Variants in EHBP1 observed in about 807,000 individuals in gnomAD.
EHBP1 encodes EH domain binding protein 1.
Under a neutral mutation model 144.0 loss-of-function variants are expected in EHBP1, and 55 were observed. The ratio of observed to expected loss-of-function variants is 0.38; its 90% confidence interval spans 0.31 to 0.48. EHBP1 has a LOEUF of 0.48. Ranked by LOEUF, EHBP1 falls within the 20% of genes least tolerant of loss-of-function variation. The pLI, the probability that EHBP1 is intolerant of heterozygous loss-of-function variation, is 0.98. For missense variants in EHBP1, 1,200 were observed against 1,364.2 expected (o/e 0.88, Z 1.90); for synonymous variants, 469 against 472.7 (o/e 0.99, Z 0.10).
intron 8 of EHBP1, among the ~76,000 whole-genome samples, chr2:62,863,950 G>A (rs1168612447): frequency 3.4e-5 from 5 of 146,310 alleles, no homozygotes; most frequent in African/African-American, 1.0e-4. Context: ...GGATTCAGGC[G>A]ATTCTCCTGC....
intron 3 of EHBP1, among the ~76,000 whole-genome samples, chr2:62,755,880 G>A (rs958612205): frequency 6.6e-6 from 1 of 151,742 alleles, no homozygotes; most frequent in African/African-American, 2.4e-5. Context: ...TTAATAATTA[G>A]CTTGAATGCC....
intron 5 of EHBP1, among the ~76,000 whole-genome samples, chr2:62,787,400 C>G (rs1176015554): frequency 9.6e-5 from 11 of 114,468 alleles, no homozygotes; most frequent in East Asian, 3.3e-4. Context: ...CGCTGCCCCC[C>G]CCCCCCACCC....
intron 10 of EHBP1, among the ~76,000 whole-genome samples, chr2:62,879,413 T>TC (rs1210922474): frequency 6.6e-6 from 1 of 152,010 alleles, no homozygotes; most frequent in Non-Finnish European, 1.5e-5. Flanking sequence ...AGCTCCTAGA[T>TC]CCAATAAAAA....
At chr2:62,875,518 A>G (rs1273039719) in intron 10 of EHBP1, among the ~76,000 whole-genome samples, 1 of 152,254 alleles carries the variant, frequency 6.6e-6, no homozygotes, top group East Asian at 1.9e-4. Flanking sequence ...CAAAGATTAA[A>G]GGAACATCAG....
chr2:62,880,854 C>G (rs1412962128), intron 10 of EHBP1, among the ~76,000 whole-genome samples: 1 of 151,878 alleles, frequency 6.6e-6, no homozygotes. Flanking sequence ...GAGATTGTTC[C>G]CAAAGAATTT....
At chr2:62,770,703 C>T (rs1418711093) in intron 4 of EHBP1, among the ~76,000 whole-genome samples, 2 of 152,122 alleles carry the variant, frequency 1.3e-5, no homozygotes, top group Non-Finnish European at 2.9e-5. Context: ...AAGAAACATG[C>T]ATGTGTAAAT....
intron 4 of EHBP1, among the ~76,000 whole-genome samples, chr2:62,765,009 T>C (rs1162298275): frequency 2.0e-5 from 3 of 152,074 alleles, no homozygotes; most frequent in African/African-American, 7.2e-5. Flanking sequence ...AAAAAGACCT[T>C]TAGGATTTTG....
intron 14 of EHBP1, among the ~76,000 whole-genome samples, chr2:62,971,774 A>G (rs913405893): frequency 1.3e-5 from 2 of 152,234 alleles, no homozygotes; most frequent in Admixed American, 1.3e-4. Flanking sequence ...TATTTACTCA[A>G]AAATTTGTTA....
chr2:63,028,042 C>T (rs1298471239), intron 19 of EHBP1, among the ~76,000 whole-genome samples: 4 of 151,930 alleles, frequency 2.6e-5, no homozygotes, highest in South Asian at 2.1e-4. Context: ...GGATTACAGG[C>T]GTGAGCCACC....
chr2:63,028,230 T>G (rs1201215922), intron 19 of EHBP1, among the ~76,000 whole-genome samples: 1 of 152,188 alleles, frequency 6.6e-6, no homozygotes, highest in Non-Finnish European at 1.5e-5. Context: ...TATACGCTTT[T>G]TGTCAATTAA....
At chr2:62,713,164 A>G (rs1191934550) in intron 2 of EHBP1, among the ~76,000 whole-genome samples, 1 of 151,984 alleles carries the variant, frequency 6.6e-6, no homozygotes, top group Admixed American at 6.6e-5. Context: ...TTAGAGGCCA[A>G]TGTGTGGACA....
At chr2:62,749,715 G>T (rs1243639895) in intron 3 of EHBP1, among the ~76,000 whole-genome samples, 1 of 152,126 alleles carries the variant, frequency 6.6e-6, no homozygotes, top group Non-Finnish European at 1.5e-5. Flanking sequence ...GTTTTGATTT[G>T]CATTTCTCTG....
At position 62,900,252 on chromosome 2, in the gene EHBP1, A is replaced by G. The variant is rs184464564; in HGVS notation, c.1185+25720A>G. On this transcript the variant is annotated intron_variant, in intron 10 of 22. Coordinates refer to ENST00000431489, the MANE Select transcript of EHBP1 (RefSeq NM_001142616.3). ...TACTCTAAAATTACATCATTGAGAAAGTGTAATTCAGTGAAGGAAAATGAT... is the reference window on the plus strand; with the variant it reads ...TACTCTAAAATTACATCATTGAGAAGGTGTAATTCAGTGAAGGAAAATGAT... Among the ~76,000 whole-genome samples, 378 of 152,318 alleles carry G rather than the reference A, an allele frequency of 2.5e-3. 7 individuals are homozygous for G. Among genetic ancestry groups the G allele is most frequent in the Admixed American group, 0.023 (349 of 15,290 alleles).
chr2:62,943,731 T>A, intron 11 of EHBP1, 71 bp from the exon 12 acceptor site: 1 of 1,070,836 alleles, frequency 9.3e-7, no homozygotes. Flanking sequence ...AATTTTTAGA[T>A]TCAGTTTGTT....
intron 10 of EHBP1, among the ~76,000 whole-genome samples, chr2:62,917,888 T>C (rs1465001209): frequency 6.6e-6 from 1 of 152,036 alleles, no homozygotes; most frequent in Non-Finnish European, 1.5e-5. Flanking sequence ...TTTTAGGAAC[T>C]ATTGTGTTCC....
At chr2:62,690,599 A>G (rs1363806339) in intron 1 of EHBP1, among the ~76,000 whole-genome samples, 4 of 152,158 alleles carry the variant, frequency 2.6e-5, no homozygotes, top group Non-Finnish European at 5.9e-5. Flanking sequence ...AAATTGTTAT[A>G]CAAGATTGAG....
intron 7 of EHBP1, among the ~76,000 whole-genome samples, chr2:62,841,135 A>G (rs903934744): frequency 6.6e-6 from 1 of 152,206 alleles, no homozygotes; most frequent in African/African-American, 2.4e-5. Context: ...TGTGGCACAT[A>G]TACACCATGG....
intron 13 of EHBP1, among the ~76,000 whole-genome samples, chr2:62,952,566 A>G (rs1362313662): frequency 6.6e-6 from 1 of 152,190 alleles, no homozygotes; most frequent in African/African-American, 2.4e-5. Flanking sequence ...TTGGGTGCCT[A>G]ATACATGTGA....
At chr2:62,803,590 G>C (rs998304413) in intron 5 of EHBP1, among the ~76,000 whole-genome samples, 1 of 152,126 alleles carries the variant, frequency 6.6e-6, no homozygotes, top group African/African-American at 2.4e-5. Context: ...TATTAGCCAT[G>C]CATGTTTTTC....
Sources: allele counts gnomAD v4.1 joint callset (sites outside exome capture counted in the v4.1 genomes callset), GRCh38; gene constraint gnomAD v4.1.1; transcripts MANE v1.5; gene names NCBI Gene and HGNC (gene_info 2026-07-23, HGNC 2026-07-21).